ELOVL7: variants seen among roughly 807,000 people sequenced by gnomAD.
ELOVL7 encodes the protein very long chain fatty acid elongase 7.
A neutral mutation model predicts 35.7 loss-of-function variants in ELOVL7; 27 were observed. The observed-to-expected ratio is 0.76, with a 90% CI of 0.56 to 1.04. The LOEUF is 1.04. ELOVL7 is among the 50% of genes least tolerant of loss of function. The pLI, the probability that ELOVL7 is intolerant of heterozygous loss-of-function variation, is 0.00. For missense variants in ELOVL7, 327 were observed against 340.8 expected, an observed-to-expected ratio of 0.96 and a Z score of 0.32; for synonymous variants, 113 against 114.6, an observed-to-expected ratio of 0.99 and a Z score of 0.09.
intron 1 of ELOVL7, among the ~76,000 whole-genome samples, chr5:60,804,757 G>A (rs958182512): frequency 6.6e-6 from 1 of 152,200 alleles, no homozygotes; most frequent in Non-Finnish European, 1.5e-5. Context: ...AAGAGGGACA[G>A]ACCAAATGCT....
chr5:60,822,130 G>C (rs1745925617), intron 1 of ELOVL7, among the ~76,000 whole-genome samples: 2 of 152,214 alleles, frequency 1.3e-5, no homozygotes, highest in African/African-American at 4.8e-5. Context: ...TGATAAGAAG[G>C]CTTTGTGAAA....
chr5:60,830,118 A>G (rs1272377994), intron 1 of ELOVL7, among the ~76,000 whole-genome samples: 1 of 152,120 alleles, frequency 6.6e-6, no homozygotes, highest in Admixed American at 6.5e-5. Flanking sequence ...CTGAGACTCA[A>G]ACAGTATCAG....
intron 1 of ELOVL7, among the ~76,000 whole-genome samples, chr5:60,814,484 G>C (rs923880691): frequency 6.6e-6 from 1 of 152,156 alleles, no homozygotes; most frequent in African/African-American, 2.4e-5. Flanking sequence ...TGAGGCAAGG[G>C]AGTATAGTGA....
chr5:60,760,295 C>A (rs887186000), intron 7 of ELOVL7, among the ~76,000 whole-genome samples: 1 of 152,188 alleles, frequency 6.6e-6, no homozygotes, highest in Admixed American at 6.5e-5. Flanking sequence ...TCCTCTCCAG[C>A]ACCTGTTGTT....
At chr5:60,802,707 A>T (rs1314008362) in intron 1 of ELOVL7, 1 of 152,202 alleles carries the variant, frequency 6.6e-6, no homozygotes. Flanking sequence ...TATCTTAGTA[A>T]ATTACAGAAA....
intron 1 of ELOVL7, among the ~76,000 whole-genome samples, chr5:60,828,353 T>C (rs555036175): frequency 6.6e-6 from 1 of 152,314 alleles, no homozygotes; most frequent in South Asian, 2.1e-4. Flanking sequence ...AAAATTAACA[T>C]ATATCTTTAA....
chr5:60,836,071 T>G (rs1746782418), intron 1 of ELOVL7, among the ~76,000 whole-genome samples: 1 of 152,032 alleles, frequency 6.6e-6, no homozygotes, highest in South Asian at 2.1e-4. Context: ...TGAATCAGGA[T>G]GAACCATATG....
At position 60,771,114 on chromosome 5, in the gene ELOVL7, C is replaced by T. The variant is rs148431662; in HGVS notation, c.255+789G>A. Among the ~76,000 whole-genome samples, 321 of 152,182 alleles carry T rather than the reference C, an allele frequency of 2.1e-3. 1 individual carries two copies. The highest frequency in any genetic ancestry group is 0.011 in the East Asian group (56 of 5,170). On this transcript the variant is annotated intron_variant, in intron 4 of 8. Transcript: ENST00000508821. The stretch of plus-strand genomic sequence containing the variant: ...GGTCAGTGGGCCCATATTGGGCCCT[C>T]GTGAGCCCTACTTATGATTAAGCAC...
intron 4 of ELOVL7, 119 bp downstream of exon 4, chr5:60,771,784 G>A (rs933259984): frequency 2.8e-6 from 2 of 721,060 alleles, no homozygotes; most frequent in South Asian, 4.4e-5. Flanking sequence ...CTGCTCTAGT[G>A]AGATCAGTTT....
intron 1 of ELOVL7, chr5:60,802,626 C>G (rs1176112041): frequency 2.0e-5 from 3 of 152,150 alleles, no homozygotes; most frequent in African/African-American, 7.2e-5. Flanking sequence ...TGTAAACTAA[C>G]CTTTTATATC....
intron 1 of ELOVL7, among the ~76,000 whole-genome samples, chr5:60,825,776 G>A (rs1746135265): frequency 6.6e-6 from 1 of 152,218 alleles, no homozygotes; most frequent in African/African-American, 2.4e-5. Flanking sequence ...AGAGCTGAAA[G>A]TATGGTTAAT....
intron 1 of ELOVL7, among the ~76,000 whole-genome samples, chr5:60,801,129 T>A (rs998642909): frequency 6.6e-6 from 1 of 152,008 alleles, no homozygotes; most frequent in African/African-American, 2.4e-5. Flanking sequence ...TGTCTTACTA[T>A]GTTGCCCGGG....
At chr5:60,796,607 TA>T (rs1419411430) in intron 2 of ELOVL7, among the ~76,000 whole-genome samples, 1 of 152,262 alleles carries the variant, frequency 6.6e-6, no homozygotes, top group East Asian at 1.9e-4. Flanking sequence ...TTCATTCAAA[TA>T]AAAGTTTGCT....
chr5:60,788,018 G>T (rs1743703786), intron 2 of ELOVL7, among the ~76,000 whole-genome samples: 1 of 152,138 alleles, frequency 6.6e-6, no homozygotes. Context: ...ATCTGAAAAA[G>T]AAGACCAGTG....
chr5:60,775,827 CTT>C (rs1417013770), intron 3 of ELOVL7, among the ~76,000 whole-genome samples: 1 of 152,148 alleles, frequency 6.6e-6, no homozygotes, highest in Non-Finnish European at 1.5e-5. Flanking sequence ...CAAAAATTAA[CTT>C]AAGATGGATT....
intron 2 of ELOVL7, among the ~76,000 whole-genome samples, chr5:60,793,610 A>G (rs1356706675): frequency 6.6e-6 from 1 of 152,202 alleles, no homozygotes; most frequent in South Asian, 2.1e-4. Flanking sequence ...TCCTGCTGCT[A>G]AGGGGATGTG....
intron 1 of ELOVL7, among the ~76,000 whole-genome samples, chr5:60,836,753 AAGG>A (rs1314298247): frequency 1.3e-5 from 2 of 152,002 alleles, no homozygotes; most frequent in African/African-American, 4.8e-5. Flanking sequence ...GGACAGAAAG[AAGG>A]AGAAGAGTTG....
At chr5:60,830,332 G>A (rs1224945742) in intron 1 of ELOVL7, among the ~76,000 whole-genome samples, 3 of 152,170 alleles carry the variant, frequency 2.0e-5, no homozygotes, top group Non-Finnish European at 4.4e-5. Flanking sequence ...CAAAAGTGAT[G>A]AAGAAAATAA....
At chr5:60,841,833 T>C (rs1747191150) in intron 1 of ELOVL7, among the ~76,000 whole-genome samples, 2 of 152,204 alleles carry the variant, frequency 1.3e-5, no homozygotes, top group Non-Finnish European at 2.9e-5. Flanking sequence ...TACCTCTAAA[T>C]GTAATGTTTC....
Sources: gnomAD v4.1 joint callset for allele counts (sites outside exome capture counted in the v4.1 genomes callset) on GRCh38, gnomAD v4.1.1 for gene constraint, MANE v1.5 for transcripts, NCBI Gene and HGNC (gene_info 2026-07-23, HGNC 2026-07-21) for gene names.